MARCHF6: variants seen among roughly 807,000 people sequenced by gnomAD.
MARCHF6 encodes membrane associated ring-CH-type finger 6.
In MARCHF6, 31 loss-of-function variants were observed where a neutral mutation model predicts 133.7. That is an observed-to-expected ratio of 0.23 (90% CI 0.17 to 0.31). The LOEUF (loss-of-function observed/expected upper bound fraction) is 0.31, where lower values mean the gene tolerates loss of function less well. MARCHF6 is among the 10% of genes least tolerant of loss of function. The probability of loss-of-function intolerance (pLI) is 1.00; values close to 1 mark genes in which losing one functional copy is unlikely to be tolerated. For synonymous variants in MARCHF6, 395 were observed against 402.5 expected (o/e 0.98, Z 0.22); for missense variants, 723 against 1,121.6 (o/e 0.64, Z 5.08).
chr5:10,392,069 C>T (rs1319053091), intron 7 of MARCHF6, among the ~76,000 whole-genome samples: 5 of 151,900 alleles, frequency 3.3e-5, no homozygotes, highest in Non-Finnish European at 5.9e-5. Context: ...CGCCATTCTC[C>T]GGCCTCAGCC....
chr5:10,357,906 C>A, intron 1 of MARCHF6, among the ~76,000 whole-genome samples: 1 of 151,080 alleles, frequency 6.6e-6, no homozygotes, highest in Non-Finnish European at 1.5e-5. Flanking sequence ...GTTATAAACG[C>A]TGTGGAGAAC....
intron 23 of MARCHF6, among the ~76,000 whole-genome samples, chr5:10,425,413 C>T (rs1740029758): frequency 6.6e-6 from 1 of 152,190 alleles, no homozygotes; most frequent in South Asian, 2.1e-4. Flanking sequence ...GGCTGTGGAA[C>T]ATCATTGATC....
intron 4 of MARCHF6, among the ~76,000 whole-genome samples, chr5:10,384,498 A>G (rs1339648260): frequency 1.3e-5 from 2 of 152,218 alleles, no homozygotes; most frequent in African/African-American, 2.4e-5. Context: ...TAAATATACT[A>G]AGCTCTCCGT....
At chr5:10,426,035 A>T (rs1356372715) in intron 23 of MARCHF6, among the ~76,000 whole-genome samples, 1 of 152,262 alleles carries the variant, frequency 6.6e-6, no homozygotes, top group Admixed American at 6.5e-5. Flanking sequence ...ATTACATATT[A>T]CGTATCTCTT....
At chr5:10,404,616 G>A (rs1208776813) in intron 15 of MARCHF6, among the ~76,000 whole-genome samples, 4 of 152,152 alleles carry the variant, frequency 2.6e-5, no homozygotes, top group East Asian at 1.9e-4. Context: ...ACACGGAGAC[G>A]GGTGATGGAG....
At chr5:10,404,962 G>C (rs1232663651) in intron 15 of MARCHF6, among the ~76,000 whole-genome samples, 1 of 152,166 alleles carries the variant, frequency 6.6e-6, no homozygotes, top group Non-Finnish European at 1.5e-5. Context: ...TTATCAGTGT[G>C]GTGGTTTTTG....
intron 3 of MARCHF6, among the ~76,000 whole-genome samples, chr5:10,379,074 T>G (rs534783988): frequency 2.2e-5 from 1 of 45,754 alleles, no homozygotes; most frequent in South Asian, 4.0e-4. Context: ...TGTTTTTTTT[T>G]GTCTTTAAAA....
rs562532746 is a variant in MARCHF6, at chr5:10,437,997, A to G, written c.*4313A>G. The stretch of plus-strand genomic sequence containing the variant: ...AATGTGACTGTGGCGACTCCCTTTT[A>G]TGTATACATTTAAATGCATAGTTGC... On this transcript the variant is annotated 3_prime_UTR_variant, in exon 26 of 26. Coordinates refer to ENST00000274140, the MANE Select transcript of MARCHF6 (RefSeq NM_005885.4). The G allele has an allele frequency of 1.3e-5, 2 of 152,794 alleles. No homozygotes were observed. The highest frequency in any genetic ancestry group is 4.8e-5 in the African/African-American group (2 of 41,438). The allele number at this position is 152,794 out of a possible 1,614,324, so 9.5% of individuals were successfully genotyped here.
intron 1 of MARCHF6, among the ~76,000 whole-genome samples, chr5:10,356,233 A>C (rs550722454): frequency 1.3e-5 from 2 of 152,022 alleles, no homozygotes; most frequent in South Asian, 4.1e-4. Flanking sequence ...TCTGCTTAGA[A>C]ATTTTTTGGT....
intron 17 of MARCHF6, among the ~76,000 whole-genome samples, chr5:10,407,481 G>A (rs1048915556): frequency 1.6e-4 from 25 of 152,038 alleles, no homozygotes; most frequent in African/African-American, 5.8e-4. Context: ...TATTTTTTCT[G>A]CGCATAAAGT....
Position 10,433,720 on chromosome 5 carries a change from A to C in MARCHF6, c.*36A>C. 1 of 1,547,876 alleles carries C rather than the reference A, an allele frequency of 6.5e-7. No individual in the cohort carries two copies. Among genetic ancestry groups the C allele is most frequent in the Non-Finnish European group, 8.9e-7 (1 of 1,120,070 alleles). On this transcript the variant is annotated 3_prime_UTR_variant, in exon 26 of 26. Transcript: ENST00000274140. ...TCAACAACTTGACCTTCCCCTTTAC[A>C]TGTCCTTTTTTGTGGACTTCTCTCT...
chr5:10,431,345 T>G (rs531782160), intron 25 of MARCHF6, among the ~76,000 whole-genome samples: 1 of 152,332 alleles, frequency 6.6e-6, no homozygotes, highest in South Asian at 2.1e-4. Context: ...CAGGGAACTT[T>G]CTACCTGCTT....
chr5:10,429,435 TC>T (rs1203587494), intron 24 of MARCHF6, among the ~76,000 whole-genome samples: 1 of 151,056 alleles, frequency 6.6e-6, no homozygotes, highest in Non-Finnish European at 1.5e-5. Flanking sequence ...CACTCTGTTG[TC>T]CAGGTTGGAG....
intron 25 of MARCHF6, among the ~76,000 whole-genome samples, chr5:10,431,941 C>CA (rs997707919): frequency 2.0e-5 from 3 of 151,976 alleles, no homozygotes; most frequent in Admixed American, 1.3e-4. Context: ...ACAAAATTCT[C>CA]AAAGTTTTAA....
chr5:10,388,876 G>A (rs1311286600), intron 5 of MARCHF6, among the ~76,000 whole-genome samples: 1 of 152,204 alleles, frequency 6.6e-6, no homozygotes, highest in African/African-American at 2.4e-5. Flanking sequence ...TTTAAAATCT[G>A]TAACAAACAG....
At chr5:10,380,276 T>C (rs1737053534) in intron 3 of MARCHF6, among the ~76,000 whole-genome samples, 1 of 152,084 alleles carries the variant, frequency 6.6e-6, no homozygotes, top group African/African-American at 2.4e-5. Flanking sequence ...ATGATTAAAG[T>C]TATTACATTT....
chr5:10,395,266 A>AT (rs1738123336), intron 9 of MARCHF6, among the ~76,000 whole-genome samples: 1 of 152,212 alleles, frequency 6.6e-6, no homozygotes, highest in Non-Finnish European at 1.5e-5. Context: ...TAAAGGTAAT[A>AT]TTTTTAAAAA....
chr5:10,406,091 C>G (rs1002524512), intron 16 of MARCHF6, among the ~76,000 whole-genome samples: 2 of 152,098 alleles, frequency 1.3e-5, no homozygotes, highest in African/African-American at 4.8e-5. Context: ...TTGGGAACTG[C>G]GAGTGCGAGG....
chr5:10,413,905 A>G (rs1321095697), intron 19 of MARCHF6, among the ~76,000 whole-genome samples: 4 of 152,242 alleles, frequency 2.6e-5, no homozygotes, highest in African/African-American at 7.2e-5. Context: ...GCTTCTCAGT[A>G]CAGGAGCACT....
Sources: allele counts gnomAD v4.1 joint callset (sites outside exome capture counted in the v4.1 genomes callset), GRCh38; gene constraint gnomAD v4.1.1; transcripts MANE v1.5; gene names NCBI Gene and HGNC (gene_info 2026-07-23, HGNC 2026-07-21).